The following NAE1 variants were observed in gnomAD, a reference collection of about 807,000 sequenced individuals.
NAE1 encodes the protein NEDD8 activating enzyme E1 subunit 1, also known as NEDD8-activating enzyme E1 regulatory subunit.
A neutral mutation model predicts 88.0 loss-of-function variants in NAE1; 59 were observed. The ratio of observed to expected loss-of-function variants is 0.67; its 90% CI spans 0.54 to 0.83. NAE1 has a LOEUF of 0.83. NAE1 is among the 40% of genes least tolerant of loss of function. NAE1 has a pLI of 0.00. For synonymous variants in NAE1, 186 were observed against 208.9 expected, an observed-to-expected ratio of 0.89 and a Z score of 0.95; for missense variants, 554 against 632.8, an observed-to-expected ratio of 0.88 and a Z score of 1.34.
At chr16:66,829,306 C>A (rs1371194345) in intron 1 of NAE1, among the ~76,000 whole-genome samples, 2 of 152,132 alleles carry the variant, frequency 1.3e-5, no homozygotes, top group African/African-American at 2.4e-5. Flanking sequence ...ACAAGAACTC[C>A]AAGAATTTAC....
rs138888796 is a variant in NAE1 at position 66,816,411 on chromosome 16, C to T, written c.840+170G>A. ...AACTCCTGACCTCAGGTGATCCACC[C>T]GCCTCAGCCTCCCAAAGTGCTGGGA... On this transcript the variant is annotated intron_variant, in intron 11 of 19. Transcript: ENST00000290810. Among the ~76,000 whole-genome samples the T allele has an allele frequency of 6.6e-5, 10 of 152,160 alleles. No homozygotes were observed. In the South Asian group the frequency reaches 8.3e-4, roughly 13 times the overall value.
chr16:66,818,686 AAAGAG>A, intron 7 of NAE1, 49 bp from the exon 8 acceptor site: 1 of 1,547,138 alleles, frequency 6.5e-7, no homozygotes, highest in African/African-American at 1.4e-5. Context: ...TAAAAAAAAA[AAAGAG>A]AGAGATGGGG....
At chr16:66,816,201 T>C (rs1012701845) in intron 11 of NAE1, among the ~76,000 whole-genome samples, 5 of 152,138 alleles carry the variant, frequency 3.3e-5, no homozygotes, top group African/African-American at 1.2e-4. Flanking sequence ...AGTCTTACTC[T>C]GTTGCCCAGG....
chr16:66,829,187 G>A (rs1597053378), intron 1 of NAE1, among the ~76,000 whole-genome samples: 3 of 152,144 alleles, frequency 2.0e-5, no homozygotes, highest in South Asian at 2.1e-4. Flanking sequence ...AGTAAAGTTT[G>A]GGACTTAAAT....
intron 9 of NAE1, 119 bp downstream of exon 9, chr16:66,817,306 G>A: frequency 1.1e-6 from 1 of 896,064 alleles, no homozygotes; most frequent in Non-Finnish European, 1.8e-6. Flanking sequence ...GCATCCATTT[G>A]CCCTACCATA....
chr16:66,819,775 A>T (rs1960181229), intron 7 of NAE1, among the ~76,000 whole-genome samples: 1 of 152,232 alleles, frequency 6.6e-6, no homozygotes, highest in African/African-American at 2.4e-5. Context: ...TCTGTACCTT[A>T]TAAAGGTTTT....
At chr16:66,810,574 C>G (rs1022537453) in intron 14 of NAE1, 123 bp downstream of exon 14, 1 of 1,086,848 alleles carries the variant, frequency 9.2e-7, no homozygotes, top group African/African-American at 1.6e-5. Context: ...TCCCATTAGG[C>G]AGGGAAATGA....
intron 11 of NAE1, among the ~76,000 whole-genome samples, chr16:66,815,007 C>T (rs906584373): frequency 1.3e-5 from 2 of 152,214 alleles, no homozygotes; most frequent in Non-Finnish European, 2.9e-5. Flanking sequence ...CAGACCTCTG[C>T]GTGTCACTTC....
chr16:66,810,270 G>T, intron 15 of NAE1, 104 bp downstream of exon 15: 1 of 881,610 alleles, frequency 1.1e-6, no homozygotes, highest in Non-Finnish European at 1.9e-6. Context: ...ATATCACTGA[G>T]GCCATGGAAA....
chr16:66,821,425 A>AAGCC (rs1346811021), intron 7 of NAE1, 25 bp downstream of exon 7: 7 of 1,512,870 alleles, frequency 4.6e-6, no homozygotes, highest in Non-Finnish European at 6.2e-6. Context: ...AACCAATAGT[A>AAGCC]AGCCCATATG....
Position 66,828,306 on chromosome 16 carries a change from C to T in NAE1, c.54-1526G>A, listed in dbSNP as rs535484112. Among the ~76,000 whole-genome samples, 120 of 151,704 alleles carry T rather than the reference C, an allele frequency of 7.9e-4. 1 individual carries two copies. The highest frequency in any genetic ancestry group is 2.7e-3 in the African/African-American group (113 of 41,352). On this transcript the variant is annotated intron_variant, in intron 1 of 19. Transcript: ENST00000290810. ...AGGAGTTTGAGACCAGGCTGGCCAA[C>T]ATAGTGAAACCCCGTCTCTACTAAA...
intron 13 of NAE1, among the ~76,000 whole-genome samples, chr16:66,812,764 C>A (rs1959860795): frequency 6.6e-6 from 1 of 151,572 alleles, no homozygotes; most frequent in African/African-American, 2.4e-5. Context: ...TGTGATCCAC[C>A]CGTCTCGGCC....
chr16:66,802,973 C>T lies in NAE1; in HGVS notation c.*36G>A. The T allele has an allele frequency of 7.6e-7, 1 of 1,309,412 alleles. No homozygotes were observed. The highest frequency in any genetic ancestry group is 1.1e-6 in the Non-Finnish European group (1 of 904,518). The allele number at this position is 1,309,412 out of a possible 1,614,324, so 81.1% of individuals were successfully genotyped here. Reference sequence around the variant, plus strand: ...CACAACCCGAAGGCAATTACAGTTTCAATCATTAACACACTACTTAAGGTG... The same window carrying T: ...CACAACCCGAAGGCAATTACAGTTTTAATCATTAACACACTACTTAAGGTG... On this transcript the variant is annotated 3_prime_UTR_variant, in exon 20 of 20. Transcript: ENST00000290810.
At chr16:66,816,937 T>C (rs1960065786) in intron 10 of NAE1, 28 bp downstream of exon 10, 1 of 1,573,224 alleles carries the variant, frequency 6.4e-7, no homozygotes, top group African/African-American at 1.4e-5. Context: ...TCAAGCTTTA[T>C]ACAGTATTTA....
chr16:66,814,816 A>G (rs942525062), intron 11 of NAE1, among the ~76,000 whole-genome samples: 2 of 152,208 alleles, frequency 1.3e-5, no homozygotes, highest in Admixed American at 1.3e-4. Context: ...ATAGCCTGCA[A>G]GGCCTTTATG....
intron 11 of NAE1, among the ~76,000 whole-genome samples, chr16:66,814,162 G>A (rs940411358): frequency 1.3e-4 from 20 of 151,984 alleles, no homozygotes; most frequent in Non-Finnish European, 2.6e-4. Context: ...TTATAGACTC[G>A]CAGTATATCA....
chr16:66,808,915 CTA>C lies in NAE1; in HGVS notation c.1237+72_1237+73del. 3.0e-6 allele frequency: 3 copies of C among 1,012,332 alleles called. No individual in the cohort carries two copies. The South Asian group carries it at 5.5e-5, about 18-fold the overall frequency. 62.7% of individuals were successfully genotyped at this position (1,012,332 alleles called of 1,614,324 possible). A position where few individuals can be genotyped will look rare whatever the true frequency, so the allele number is the denominator to read the frequency against. On this transcript the variant is annotated intron_variant, in intron 16 of 19. Transcript: ENST00000290810. ...TAATATCATCACCATATACTCAACACTATTATACACAAAATATTTATATCTTT... is the reference window on the plus strand; with the variant it reads ...TAATATCATCACCATATACTCAACACTTATACACAAAATATTTATATCTTT...
intron 13 of NAE1, among the ~76,000 whole-genome samples, chr16:66,811,638 T>A (rs1959805248): frequency 6.6e-6 from 1 of 152,094 alleles, no homozygotes; most frequent in African/African-American, 2.4e-5. Flanking sequence ...TTGTGGCACA[T>A]TTCACCACCC....
chr16:66,810,931 G>C (rs535123079), intron 13 of NAE1, among the ~76,000 whole-genome samples, 159 bp from the exon 14 acceptor site: 1 of 152,290 alleles, frequency 6.6e-6, no homozygotes, highest in South Asian at 2.1e-4. Context: ...ACAGCACCAT[G>C]AGTAGCTGGG....
Sources: gnomAD v4.1 joint callset for allele counts (sites outside exome capture counted in the v4.1 genomes callset) on GRCh38, gnomAD v4.1.1 for gene constraint, MANE v1.5 for transcripts, NCBI Gene and HGNC (gene_info 2026-07-23, HGNC 2026-07-21) for gene names.